The following TBXAS1 variants were observed in gnomAD, a reference collection of about 807,000 sequenced individuals.
TBXAS1 encodes thromboxane-A synthase.
TBXAS1 carries 48 observed loss-of-function variants against 60.7 expected under a neutral mutation model. The ratio of observed to expected loss-of-function variants is 0.79; its 90% CI spans 0.63 to 1.01. TBXAS1 has a LOEUF of 1.01. TBXAS1 is among the 50% of genes least tolerant of loss of function. TBXAS1 has a pLI of 0.00. For synonymous variants in TBXAS1, 287 were observed against 269.7 expected (o/e 1.06, Z -0.63); for missense variants, 685 against 686.3 (o/e 1.00, Z 0.02).
chr7:139,886,667 G>A (rs1330746158), intron 3 of TBXAS1, among the ~76,000 whole-genome samples: 4 of 152,092 alleles, frequency 2.6e-5, no homozygotes, highest in East Asian at 3.9e-4. Flanking sequence ...CATCTTTTCC[G>A]TGGCTAATGT....
At chr7:139,848,972 CAAAAT>C (rs1800011970) in intron 1 of TBXAS1, among the ~76,000 whole-genome samples, 1 of 151,558 alleles carries the variant, frequency 6.6e-6, no homozygotes, top group Admixed American at 6.6e-5. Flanking sequence ...AGTCACAAGA[CAAAAT>C]AAAACCATAA....
chr7:139,905,047 CTTTCTT>C (rs1206915785), intron 3 of TBXAS1, among the ~76,000 whole-genome samples: 48 of 86,436 alleles, frequency 5.6e-4, no homozygotes, highest in African/African-American at 2.2e-3. Context: ...TTCTTTCTTT[CTTTCTT>C]TCTTTCTCTC....
chr7:139,889,502 G>A (rs1221384702), intron 3 of TBXAS1, among the ~76,000 whole-genome samples: 2 of 152,106 alleles, frequency 1.3e-5, no homozygotes, highest in South Asian at 2.1e-4. Flanking sequence ...TTCTTAATCC[G>A]TTGGAGCTTG....
chr7:139,924,258 C>T (rs563477965), intron 4 of TBXAS1, among the ~76,000 whole-genome samples: 14 of 152,298 alleles, frequency 9.2e-5, no homozygotes, highest in African/African-American at 3.1e-4. Context: ...TCCTAATTTA[C>T]ATTTGCACCA....
At position 139,955,615 on chromosome 7, in the gene TBXAS1, C is replaced by T. The variant is rs1448754205; in HGVS notation, c.688+8C>T. 3.7e-6 allele frequency: 6 copies of T among 1,613,784 alleles called. No homozygotes were observed. The highest frequency in any genetic ancestry group is 3.3e-5 in the Admixed American group (2 of 60,012). On this transcript the variant is annotated splice_region_variant and intron_variant, in intron 7 of 12. Coordinates refer to ENST00000448866, the MANE Select transcript of TBXAS1 (RefSeq NM_001061.7). ...CTATCCTGGTTTTACTCTGTAAGTG[C>T]GGCTGCAGCCCGGGGCGCTGCGATG...
intron 3 of TBXAS1, among the ~76,000 whole-genome samples, chr7:139,905,023 C>T (rs890906475): frequency 1.7e-4 from 13 of 78,648 alleles, no homozygotes; most frequent in African/African-American, 9.0e-4. Flanking sequence ...TTCTTTCTTT[C>T]TTTCTTTCTT....
At chr7:139,920,067 G>A (rs1011132820) in intron 4 of TBXAS1, among the ~76,000 whole-genome samples, 1 of 152,212 alleles carries the variant, frequency 6.6e-6, no homozygotes. Context: ...AGCAAACCCA[G>A]CTCAAGATCA....
In TBXAS1 at chr7:139,852,382, C is replaced by T. The variant is rs1220497085; in HGVS notation, c.90-19853C>T. The stretch of plus-strand genomic sequence containing the variant: ...GGAAGGTCAGGCAGGTTCTGTGGGT[C>T]TCCACCTGTGGCTGTGTTCCAGAAC... On this transcript the variant is annotated intron_variant, in intron 1 of 12. Coordinates refer to ENST00000448866, the MANE Select transcript of TBXAS1 (RefSeq NM_001061.7). The surrounding 1 kb of genome is among the most constrained non-coding windows in gnomAD (Gnocchi z 4.4). 6.6e-6 allele frequency among the ~76,000 whole-genome samples: 1 copy of T among 152,196 alleles called. No individual in the cohort carries two copies. Among genetic ancestry groups the T allele is most frequent in the African/African-American group, 2.4e-5 (1 of 41,460 alleles).
At chr7:139,780,488 A>G (rs1796947832) in intron 1 of TBXAS1, among the ~76,000 whole-genome samples, 1 of 152,156 alleles carries the variant, frequency 6.6e-6, no homozygotes, top group Non-Finnish European at 1.5e-5. Context: ...ACGCATGGTG[A>G]GTACTGCACA....
chr7:139,898,413 CTTTTTTTTTTTTTTTTT>C (rs71170921), intron 3 of TBXAS1, among the ~76,000 whole-genome samples: 6 of 82,222 alleles, frequency 7.3e-5, no homozygotes, highest in African/African-American at 2.0e-4. Flanking sequence ...ACGTGCATGG[CTTTTTTTTTTTTTTTTT>C]TTTTTTTTTT....
chr7:139,982,854 C>A (rs1356479603), intron 9 of TBXAS1, among the ~76,000 whole-genome samples: 1 of 152,052 alleles, frequency 6.6e-6, no homozygotes, highest in Non-Finnish European at 1.5e-5. Context: ...TCCTTAAGAG[C>A]CTTTCCAGGA....
intron 1 of TBXAS1, among the ~76,000 whole-genome samples, chr7:139,832,184 G>C (rs1342866706): frequency 6.6e-6 from 1 of 152,156 alleles, no homozygotes; most frequent in Non-Finnish European, 1.5e-5. Context: ...CTGCGGAAGT[G>C]GGAAAGGGAG....
At chr7:139,992,932 A>G (rs951196324) in intron 9 of TBXAS1, among the ~76,000 whole-genome samples, 15 of 152,204 alleles carry the variant, frequency 9.9e-5, no homozygotes, top group South Asian at 2.1e-4. Context: ...GCACTTTGGG[A>G]GGCCGAGGTG....
At chr7:139,839,984 CAAAAAAAAA>C (rs563726492) in intron 1 of TBXAS1, among the ~76,000 whole-genome samples, 9 of 109,318 alleles carry the variant, frequency 8.2e-5, no homozygotes, top group Non-Finnish European at 1.1e-4. Context: ...AACTCTGTCT[CAAAAAAAAA>C]AAAAAAAAAG....
chr7:139,993,278 T>A (rs1239749751), intron 9 of TBXAS1, among the ~76,000 whole-genome samples: 1 of 152,114 alleles, frequency 6.6e-6, no homozygotes, highest in Non-Finnish European at 1.5e-5. Context: ...CGTCTCCAAG[T>A]ATATGATCAT....
intron 3 of TBXAS1, among the ~76,000 whole-genome samples, chr7:139,903,523 G>A (rs1804741016): frequency 1.3e-5 from 2 of 152,052 alleles, no homozygotes; most frequent in Admixed American, 6.5e-5. Context: ...ACTCCACACT[G>A]TTTTCCATAC....
At chr7:139,863,147 C>A (rs1015928483) in intron 1 of TBXAS1, among the ~76,000 whole-genome samples, 2 of 152,052 alleles carry the variant, frequency 1.3e-5, no homozygotes, top group African/African-American at 4.8e-5. Flanking sequence ...AAGCATAGTG[C>A]CTGAGACACA....
chr7:139,996,420 T>G (rs909856509), intron 9 of TBXAS1, among the ~76,000 whole-genome samples: 1 of 152,044 alleles, frequency 6.6e-6, no homozygotes, highest in Non-Finnish European at 1.5e-5. Flanking sequence ...CTTACCCCTA[T>G]CCCAGAGGAC....
At chr7:139,893,584 A>T (rs774319316) in intron 3 of TBXAS1, among the ~76,000 whole-genome samples, 2 of 152,126 alleles carry the variant, frequency 1.3e-5, no homozygotes, top group Non-Finnish European at 2.9e-5. Flanking sequence ...CTTGCCTAAC[A>T]TCTGTTCTGA....
Sources: gnomAD v4.1 joint callset for allele counts (sites outside exome capture counted in the v4.1 genomes callset) on GRCh38, gnomAD v4.1.1 for gene constraint, Gnocchi (gnomAD v3.1) non-coding constraint, MANE v1.5 for transcripts, NCBI Gene and HGNC (gene_info 2026-07-23, HGNC 2026-07-21) for gene names.